The following ZNF469 variants were observed in gnomAD, a reference collection of about 807,000 sequenced individuals.
The protein encoded by ZNF469 is zinc finger protein 469.
ZNF469 carries 1 observed loss-of-function variant against 1.0 expected under a neutral mutation model. That is an observed-to-expected ratio of 1.00 (90% confidence interval 0.35 to 4.73). The LOEUF (loss-of-function observed/expected upper bound fraction) is 4.73, where lower values mean the gene tolerates loss of function less well. ZNF469 is among the 30% of genes most tolerant of loss of function. The pLI, the probability that ZNF469 is intolerant of heterozygous loss-of-function variation, is 0.16. For missense variants in ZNF469, 6,100 were observed against 5,356.3 expected (o/e 1.14, Z -4.33); for synonymous variants, 2,703 against 2,363.4 (o/e 1.14, Z -4.17).
the ZNF469 span, among the ~76,000 whole-genome samples, chr16:88,206,768 T>A: frequency 3.4e-5 from 5 of 146,530 alleles, no homozygotes; most frequent in East Asian, 8.0e-4. Flanking sequence ...TGGTGAGAGA[T>A]CCCACTTGGT....
the ZNF469 span, among the ~76,000 whole-genome samples, chr16:88,205,763 A>G: frequency 1.3e-5 from 2 of 152,064 alleles, no homozygotes; most frequent in East Asian, 3.9e-4. The surrounding 1 kb of genome is among the most constrained non-coding windows in gnomAD (Gnocchi z 4.2). Context: ...TATGGGGAGG[A>G]AGCTGGGTTT....
At chr16:88,164,048 A>C in the ZNF469 span, among the ~76,000 whole-genome samples, 1 of 143,446 alleles carries the variant, frequency 7.0e-6, no homozygotes, top group African/African-American at 2.6e-5. Flanking sequence ...TGAATGGATA[A>C]GTGGGTGGAT....
At position 88,438,845 on chromosome 16, in the gene ZNF469, G is replaced by T. The variant is rs763899122; in HGVS notation, c.11375G>T (p.Gly3792Val). The change falls in exon 3 of 3, where the codon GGG becomes GTG. Residue 3792 changes from glycine to valine, a missense_variant. Gly to Val is a moderately radical substitution (Grantham distance 109, BLOSUM62 -3). Coordinates refer to ENST00000565624, the MANE Select transcript of ZNF469 (RefSeq NM_001367624.2). ...GCCCAAGCCAAGAGCTGCACCAAGGGGCCAAGGGAAGCTGGTGAGCAGGGG... is the reference window on the plus strand; with the variant it reads ...GCCCAAGCCAAGAGCTGCACCAAGGTGCCAAGGGAAGCTGGTGAGCAGGGG... ...ARAQAKSCTK[G>V]PREAGEQGPH... is the part of the protein sequence containing the mutation. The T allele has an allele frequency of 5.2e-6, 8 of 1,550,266 alleles. No individual in the cohort carries two copies.
the ZNF469 span, among the ~76,000 whole-genome samples, chr16:88,357,644 G>T: frequency 6.6e-6 from 1 of 152,226 alleles, no homozygotes; most frequent in African/African-American, 2.4e-5. Flanking sequence ...CCCGGGCTTG[G>T]TTTGAGTTAG....
the ZNF469 span, among the ~76,000 whole-genome samples, chr16:88,153,711 A>G: frequency 3.3e-5 from 5 of 152,234 alleles, no homozygotes; most frequent in Admixed American, 3.3e-4. Flanking sequence ...TGGAGGCTGC[A>G]AGTCCAAGGT....
the ZNF469 span, among the ~76,000 whole-genome samples, chr16:88,263,986 A>T: frequency 6.6e-5 from 10 of 152,028 alleles, no homozygotes; most frequent in African/African-American, 9.7e-5. Context: ...TCCACTTCCC[A>T]GGGAGCCTCC....
the ZNF469 span, among the ~76,000 whole-genome samples, chr16:88,237,831 A>T: frequency 1.3e-5 from 2 of 151,432 alleles, no homozygotes; most frequent in Non-Finnish European, 2.9e-5. Context: ...TGCTCCTGCC[A>T]GTCACCCTCT....
chr16:88,269,050 T>G, the ZNF469 span, among the ~76,000 whole-genome samples: 1 of 152,232 alleles, frequency 6.6e-6, no homozygotes, highest in Non-Finnish European at 1.5e-5. Context: ...ATGCAGGGCC[T>G]GGGTGAGGGC....
chr16:88,318,732 G>A, the ZNF469 span, among the ~76,000 whole-genome samples: 1 of 152,242 alleles, frequency 6.6e-6, no homozygotes, highest in African/African-American at 2.4e-5. Context: ...CTGAGATCTT[G>A]GAGCTCGGAG....
the ZNF469 span, among the ~76,000 whole-genome samples, chr16:88,349,810 TC>T: frequency 2.3e-4 from 1 of 4,396 alleles, no homozygotes; most frequent in Non-Finnish European, 4.6e-4. Context: ...ATTACACACA[TC>T]ACAAATGCAC....
chr16:88,247,991 C>T, the ZNF469 span, among the ~76,000 whole-genome samples: 2 of 152,238 alleles, frequency 1.3e-5, no homozygotes, highest in Non-Finnish European at 2.9e-5. Context: ...CGCGGCTGGA[C>T]GGAAGGCTAT....
In ZNF469 at chr16:88,427,598, G is replaced by C. The variant is rs1469814641; in HGVS notation, c.128G>C (p.Arg43Thr). 1 of 1,537,166 alleles carries C rather than the reference G, an allele frequency of 6.5e-7. No individual in the cohort carries two copies. Among genetic ancestry groups the C allele is most frequent in the South Asian group, 1.2e-5 (1 of 84,036 alleles). ...CTGGAGGACAACACCCCAGCTACCA[G>C]GACCACCAAGGGTGCCAGGGAGGCT... ...PPLEDNTPAT[R>T]TTKGAREAGG... Residue 43 changes from arginine to threonine, a missense_variant, in exon 3 of 3, where the codon AGG (arginine) becomes ACG (threonine). Coordinates refer to ENST00000565624, the MANE Select transcript of ZNF469 (RefSeq NM_001367624.2).
the ZNF469 span, among the ~76,000 whole-genome samples, chr16:88,156,985 C>G: frequency 2.4e-4 from 37 of 152,310 alleles, no homozygotes; most frequent in Non-Finnish European, 4.4e-4. Flanking sequence ...AACAAAGCCT[C>G]GAAGAAAACA....
At chr16:88,419,643 AC>A (rs1468168655) in intron 1 of ZNF469, among the ~76,000 whole-genome samples, 1 of 151,618 alleles carries the variant, frequency 6.6e-6, no homozygotes, top group Non-Finnish European at 1.5e-5. Flanking sequence ...TGCTGGTCCC[AC>A]CCCTTGAAGC....
chr16:88,156,977 C>G, the ZNF469 span, among the ~76,000 whole-genome samples: 1 of 152,240 alleles, frequency 6.6e-6, no homozygotes, highest in African/African-American at 2.4e-5. Context: ...TCCTTGGTAA[C>G]AAAGCCTCGA....
chr16:88,135,528 G>A, the ZNF469 span, among the ~76,000 whole-genome samples: 1 of 152,260 alleles, frequency 6.6e-6, no homozygotes, highest in East Asian at 1.9e-4. Context: ...AAAACTTGGG[G>A]TGTTCGTGTC....
At chr16:88,356,610 G>A in the ZNF469 span, among the ~76,000 whole-genome samples, 1 of 152,124 alleles carries the variant, frequency 6.6e-6, no homozygotes, top group African/African-American at 2.4e-5. Flanking sequence ...CCATCTGCCA[G>A]CTCCCAGCAG....
chr16:88,223,993 C>A, the ZNF469 span, among the ~76,000 whole-genome samples: 1 of 152,172 alleles, frequency 6.6e-6, no homozygotes, highest in Non-Finnish European at 1.5e-5. Flanking sequence ...GTTTTCCATT[C>A]GCCCAGTCAT....
chr16:88,417,716 G>C (rs1006224445), intron 1 of ZNF469, among the ~76,000 whole-genome samples: 1 of 152,224 alleles, frequency 6.6e-6, no homozygotes, highest in Non-Finnish European at 1.5e-5. Context: ...AGGGTAGGCT[G>C]TGTCTCCAAA....
Sources: allele counts gnomAD v4.1 joint callset (sites outside exome capture counted in the v4.1 genomes callset), GRCh38; gene constraint gnomAD v4.1.1; non-coding constraint Gnocchi (gnomAD v3.1); transcripts MANE v1.5; gene names NCBI Gene and HGNC (gene_info 2026-07-23, HGNC 2026-07-21).